Variants in ELMOD2 observed in about 807,000 individuals in gnomAD.
The protein encoded by ELMOD2 is ELMO domain containing 2.
ELMOD2 carries 28 observed loss-of-function variants against 41.0 expected under a neutral mutation model. That is an observed-to-expected ratio of 0.68 (90% CI 0.51 to 0.94). ELMOD2 has a LOEUF of 0.94. ELMOD2 is among the 40% of genes least tolerant of loss of function. The pLI is 0.00. For missense variants in ELMOD2, 333 were observed against 343.1 expected (o/e 0.97, Z 0.23); for synonymous variants, 106 against 107.2 (o/e 0.99, Z 0.07).
At position 140,543,547 on chromosome 4, in the gene ELMOD2, C is replaced by G; in HGVS notation, c.697C>G (p.Pro233Ala). ...GAAGTTTCATCTCTATAACCTTGTT[C>G]CTGGTATACCAACAATGGAACACTT... ...ALKFHLYNLV[P>A]GIPTMEHFHQ... is the part of the protein sequence containing the mutation. Residue 233 changes from proline to alanine, a missense_variant, in exon 8 of 9, where the codon CCT becomes GCT. Transcript: ENST00000323570. The G allele has an allele frequency of 6.2e-7, 1 of 1,603,606 alleles. No homozygotes were observed. The highest frequency in any genetic ancestry group is 8.5e-7 in the Non-Finnish European group (1 of 1,177,054).
chr4:140,529,144 AT>A (rs1734661390), intron 3 of ELMOD2, among the ~76,000 whole-genome samples: 1 of 152,134 alleles, frequency 6.6e-6, no homozygotes, highest in Non-Finnish European at 1.5e-5. Context: ...TCTGGTTCTG[AT>A]TGCATTTCTA....
chr4:140,540,926 C>T (rs1247656090), intron 6 of ELMOD2, among the ~76,000 whole-genome samples: 1 of 152,020 alleles, frequency 6.6e-6, no homozygotes, highest in Non-Finnish European at 1.5e-5. Context: ...TCTATTTTGG[C>T]AAATATAACC....
At chr4:140,549,218 A>AT (rs1027603383) in intron 8 of ELMOD2, among the ~76,000 whole-genome samples, 81 of 152,050 alleles carry the variant, frequency 5.3e-4, no homozygotes, top group Non-Finnish European at 1.1e-3. Flanking sequence ...TTTATTTGTT[A>AT]TTTTTTAAAA....
Position 140,542,652 on chromosome 4 carries a change from G to T in ELMOD2, c.602+10G>T, listed in dbSNP as rs759701312. 1 of 1,587,354 alleles carries T rather than the reference G, an allele frequency of 6.3e-7. No individual in the cohort carries two copies. The highest frequency in any genetic ancestry group is 8.6e-7 in the Non-Finnish European group (1 of 1,161,946). On this transcript the variant is annotated intron_variant, in intron 7 of 8. Transcript: ENST00000323570. Reference sequence around the variant, plus strand: ...ATCATCCAAAATTAGGGTAAGCTGGGTATATTAAAGAAGCCGTAATCTCTT... The same window carrying T: ...ATCATCCAAAATTAGGGTAAGCTGGTTATATTAAAGAAGCCGTAATCTCTT...
intron 8 of ELMOD2, among the ~76,000 whole-genome samples, chr4:140,544,747 C>T (rs911882738): frequency 6.6e-6 from 1 of 152,134 alleles, no homozygotes; most frequent in African/African-American, 2.4e-5. Flanking sequence ...TGTGCCTTTG[C>T]AAGTGACATT....
chr4:140,549,774 C>G (rs550515950), intron 8 of ELMOD2, among the ~76,000 whole-genome samples: 1 of 147,884 alleles, frequency 6.8e-6, no homozygotes, highest in South Asian at 2.2e-4. Flanking sequence ...AAGCCCTGAC[C>G]TCCTGGGCTC....
In ELMOD2 at chr4:140,552,089, A is replaced by G. The variant is rs191229324; in HGVS notation, c.*1714A>G. ...GTCCAGCTATACAATATGTCGCAAA[A>G]TCCTGACAAGTTCATTGTATTAAGG... On this transcript the variant is annotated 3_prime_UTR_variant, in exon 9 of 9. Coordinates refer to ENST00000323570, the MANE Select transcript of ELMOD2 (RefSeq NM_153702.4). The G allele has an allele frequency of 1.3e-5, 2 of 152,038 alleles. No homozygotes were observed. Among genetic ancestry groups the G allele is most frequent in the Non-Finnish European group, 2.9e-5 (2 of 67,928 alleles). 9.4% of individuals were successfully genotyped at this position (152,038 alleles called of 1,614,324 possible). A position where few individuals can be genotyped will look rare whatever the true frequency, so the allele number is the denominator to read the frequency against.
At chr4:140,527,549 CTT>C (rs751765621) in intron 3 of ELMOD2, 55 bp downstream of exon 3, 30 of 1,376,264 alleles carry the variant, frequency 2.2e-5, no homozygotes, top group Middle Eastern at 3.8e-4. Context: ...CATATTTTTT[CTT>C]AAAAAAAAAA....
At chr4:140,532,713 C>T (rs1423807421) in intron 3 of ELMOD2, among the ~76,000 whole-genome samples, 1 of 152,116 alleles carries the variant, frequency 6.6e-6, no homozygotes, top group Admixed American at 6.5e-5. Context: ...TAACTGGGAA[C>T]AAGACAAATA....
intron 7 of ELMOD2, among the ~76,000 whole-genome samples, chr4:140,543,129 G>C (rs1032969690): frequency 6.6e-6 from 1 of 151,892 alleles, no homozygotes; most frequent in Non-Finnish European, 1.5e-5. Flanking sequence ...AGATTATCCA[G>C]ATTATCCAGT....
chr4:140,537,048 G>C lies in ELMOD2; in HGVS notation c.270-364G>C, dbSNP rs529188928. Among the ~76,000 whole-genome samples the C allele has an allele frequency of 8.5e-5, 13 of 152,278 alleles. No homozygotes were observed. The East Asian group carries it at 2.5e-3, about 29-fold the overall frequency. ...AAGAGAAGCAGTTTTATTTAGAGCT[G>C]AGATAACCTGTTGTGGAGCTATTTG... On this transcript the variant is annotated intron_variant, in intron 4 of 8. Transcript: ENST00000323570.
chr4:140,541,888 C>G (rs1001395452), intron 6 of ELMOD2, among the ~76,000 whole-genome samples: 1 of 151,944 alleles, frequency 6.6e-6, no homozygotes, highest in African/African-American at 2.4e-5. Flanking sequence ...ATTTTGTCCT[C>G]TAAAATGTAA....
chr4:140,538,244 A>G (rs1009970032), intron 5 of ELMOD2, among the ~76,000 whole-genome samples: 3 of 152,198 alleles, frequency 2.0e-5, no homozygotes, highest in Non-Finnish European at 4.4e-5. Flanking sequence ...CTAGAATGGT[A>G]GGGCCTGGAA....
intron 3 of ELMOD2, among the ~76,000 whole-genome samples, chr4:140,534,930 T>C (rs1468540622): frequency 6.6e-6 from 1 of 152,182 alleles, no homozygotes; most frequent in Non-Finnish European, 1.5e-5. Context: ...GCAAAAGGTA[T>C]GGCTTTTGCC....
chr4:140,527,168 A>T (rs1734590763), intron 2 of ELMOD2, among the ~76,000 whole-genome samples: 1 of 152,190 alleles, frequency 6.6e-6, no homozygotes, highest in Non-Finnish European at 1.5e-5. Flanking sequence ...TGACACAATT[A>T]TGGGTGAATT....
chr4:140,537,442 G>A lies in ELMOD2; in HGVS notation c.300G>A (p.Leu100=), dbSNP rs1457391535. The change falls in exon 5 of 9, where the codon CTG becomes CTA. Residue 100 remains leucine, a synonymous_variant. Coordinates refer to ENST00000323570, the MANE Select transcript of ELMOD2 (RefSeq NM_153702.4). Reference sequence around the variant, plus strand: ...AAATATGCATGAAGATGTGCTTACTGCAGATAACTGGTTATAAACAGCTGT... The same window carrying A: ...AAATATGCATGAAGATGTGCTTACTACAGATAACTGGTTATAAACAGCTGT... ...SFKICMKMCL[L]QITGYKQLYL... is the part of the protein sequence containing the mutation. 8 of 1,555,616 alleles carry A rather than the reference G, an allele frequency of 5.1e-6. No homozygotes were observed. In the South Asian group the frequency reaches 7.6e-5, roughly 15 times the overall value.
At chr4:140,536,062 C>T (rs1031001544) in intron 4 of ELMOD2, among the ~76,000 whole-genome samples, 5 of 152,224 alleles carry the variant, frequency 3.3e-5, no homozygotes, top group Non-Finnish European at 1.5e-5. Flanking sequence ...ATATCATCTG[C>T]CTTCTTCAAG....
chr4:140,550,017 C>T (rs1176133034), intron 8 of ELMOD2, among the ~76,000 whole-genome samples: 2 of 151,866 alleles, frequency 1.3e-5, no homozygotes, highest in Non-Finnish European at 2.9e-5. Context: ...ACTTGAGGGA[C>T]GTTGTTGATT....
chr4:140,542,648 C>A lies in ELMOD2; in HGVS notation c.602+6C>A. ...TCAAATCATCCAAAATTAGGGTAAG[C>A]TGGGTATATTAAAGAAGCCGTAATC... On this transcript the variant is annotated splice_donor_region_variant and intron_variant, in intron 7 of 8. Coordinates refer to ENST00000323570, the MANE Select transcript of ELMOD2 (RefSeq NM_153702.4). 1 of 1,597,530 alleles carries A rather than the reference C, an allele frequency of 6.3e-7. No homozygotes were observed. The highest frequency in any genetic ancestry group is 8.6e-7 in the Non-Finnish European group (1 of 1,169,384).
Sources: gnomAD v4.1 joint callset for allele counts (sites outside exome capture counted in the v4.1 genomes callset) on GRCh38, gnomAD v4.1.1 for gene constraint, MANE v1.5 for transcripts, NCBI Gene and HGNC (gene_info 2026-07-23, HGNC 2026-07-21) for gene names.